The following NAALADL2 variants were observed in gnomAD, a reference collection of about 807,000 sequenced individuals.
NAALADL2 encodes inactive N-acetylated-alpha-linked acidic dipeptidase-like protein 2.
NAALADL2 carries 76 observed loss-of-function variants against 87.2 expected under a neutral mutation model. The ratio of observed to expected loss-of-function variants is 0.87; its 90% CI spans 0.72 to 1.05. The LOEUF is 1.05. Among genes scored for constraint, NAALADL2 ranks in the 50% least tolerant of loss-of-function variants. The probability of loss-of-function intolerance (pLI) is 0.00; values close to 1 mark genes in which losing one functional copy is unlikely to be tolerated. For missense variants in NAALADL2, 1,089 were observed against 945.8 expected (o/e 1.15, Z -1.99); for synonymous variants, 354 against 331.0 (o/e 1.07, Z -0.75).
intron 2 of NAALADL2, among the ~76,000 whole-genome samples, chr3:175,132,602 G>A (rs1261756239): frequency 3.8e-5 from 4 of 105,434 alleles, no homozygotes; most frequent in Admixed American, 2.8e-4. Context: ...GGCTGGCCGG[G>A]CAGGGGGCTG....
chr3:175,789,344 C>G (rs926012216), intron 13 of NAALADL2, among the ~76,000 whole-genome samples: 6 of 152,142 alleles, frequency 3.9e-5, no homozygotes, highest in African/African-American at 1.4e-4. Context: ...AATGTAGACT[C>G]TTTTGTATAT....
intron 2 of NAALADL2, among the ~76,000 whole-genome samples, chr3:175,153,833 A>T (rs1038874206): frequency 1.3e-5 from 2 of 152,188 alleles, no homozygotes; most frequent in Non-Finnish European, 2.9e-5. Flanking sequence ...TAGAGTGAGT[A>T]TACTGCTGAT....
intron 3 of NAALADL2, among the ~76,000 whole-genome samples, chr3:174,851,968 G>C (rs1052744443): frequency 6.6e-6 from 1 of 152,072 alleles, no homozygotes; most frequent in Non-Finnish European, 1.5e-5. Context: ...CAGAATGAAG[G>C]AGAAAATCTA....
intron 1 of NAALADL2, among the ~76,000 whole-genome samples, chr3:175,087,125 A>G (rs757080128): frequency 1.3e-5 from 2 of 152,250 alleles, no homozygotes; most frequent in Admixed American, 1.3e-4. Flanking sequence ...GTGACTTGTT[A>G]GAAATAAGAA....
intron 5 of NAALADL2, among the ~76,000 whole-genome samples, chr3:175,423,853 A>C (rs933923446): frequency 2.0e-5 from 3 of 152,226 alleles, no homozygotes; most frequent in African/African-American, 7.2e-5. Flanking sequence ...TGACTTCCAC[A>C]ATGGTTGAAC....
At chr3:174,896,267 T>C (rs1030281064) in intron 1 of NAALADL2, among the ~76,000 whole-genome samples, 2 of 152,148 alleles carry the variant, frequency 1.3e-5, no homozygotes, top group Admixed American at 1.3e-4. Context: ...GCTATGATCT[T>C]ATATTTGAAA....
intron 13 of NAALADL2, among the ~76,000 whole-genome samples, chr3:175,795,518 C>CAAA (rs35800749): frequency 1.1e-4 from 15 of 132,330 alleles, no homozygotes; most frequent in African/African-American, 3.2e-4. Flanking sequence ...CTAAAAAATA[C>CAAA]AAAAAAAAAA....
At chr3:174,724,332 T>A (rs889340893) in intron 2 of NAALADL2, among the ~76,000 whole-genome samples, 1 of 152,188 alleles carries the variant, frequency 6.6e-6, no homozygotes, top group Non-Finnish European at 1.5e-5. Flanking sequence ...GGTAAACTTA[T>A]GTGCTTTTAT....
chr3:175,622,918 C>T (rs143412864), intron 10 of NAALADL2, among the ~76,000 whole-genome samples: 94 of 152,074 alleles, frequency 6.2e-4, no homozygotes, highest in African/African-American at 2.0e-3. Context: ...AAAAATTACC[C>T]ATACCTGCAA....
At chr3:174,985,277 C>T (rs147792706) in intron 1 of NAALADL2, among the ~76,000 whole-genome samples, 8 of 152,084 alleles carry the variant, frequency 5.3e-5, no homozygotes, top group East Asian at 3.9e-4. Context: ...AGATATTTGG[C>T]GGAAATGATG....
chr3:174,641,480 A>G (rs778421915), intron 2 of NAALADL2, among the ~76,000 whole-genome samples: 4 of 152,186 alleles, frequency 2.6e-5, no homozygotes, highest in Non-Finnish European at 5.9e-5. Context: ...ATGAAGTCCA[A>G]AGGAAACCAG....
At chr3:174,729,295 CATT>C (rs1338100144) in intron 2 of NAALADL2, among the ~76,000 whole-genome samples, 1 of 151,970 alleles carries the variant, frequency 6.6e-6, no homozygotes, top group Non-Finnish European at 1.5e-5. Flanking sequence ...AGTATTAACT[CATT>C]AATACTTATA....
intron 5 of NAALADL2, among the ~76,000 whole-genome samples, chr3:175,417,980 T>C (rs1714966925): frequency 6.6e-6 from 1 of 152,026 alleles, no homozygotes; most frequent in African/African-American, 2.4e-5. Flanking sequence ...GGTGTGGAGT[T>C]ATGGTGAAAG....
intron 1 of NAALADL2, among the ~76,000 whole-genome samples, chr3:174,483,999 A>G (rs1475341257): frequency 6.6e-6 from 1 of 152,106 alleles, no homozygotes; most frequent in African/African-American, 2.4e-5. Context: ...AACAGGCTAC[A>G]GATGTTTGGC....
intron 4 of NAALADL2, among the ~76,000 whole-genome samples, chr3:175,311,474 G>C (rs1426146681): frequency 2.0e-5 from 3 of 151,952 alleles, no homozygotes; most frequent in Non-Finnish European, 4.4e-5. Context: ...CTGACATCAT[G>C]GTTGCTTTAT....
chr3:174,942,350 A>C (rs1329737801), intron 1 of NAALADL2, among the ~76,000 whole-genome samples: 1 of 152,128 alleles, frequency 6.6e-6, no homozygotes, highest in Non-Finnish European at 1.5e-5. Context: ...AAGAATGCTG[A>C]ATATAGGCCC....
chr3:174,751,451 T>C (rs1360367880), intron 3 of NAALADL2, among the ~76,000 whole-genome samples: 1 of 152,026 alleles, frequency 6.6e-6, no homozygotes, highest in African/African-American at 2.4e-5. Context: ...TTACCTGAGG[T>C]CAGGAGTTCG....
chr3:174,994,183 T>G (rs542291434), intron 1 of NAALADL2, among the ~76,000 whole-genome samples: 1 of 152,286 alleles, frequency 6.6e-6, no homozygotes, highest in East Asian at 1.9e-4. Context: ...GTGACTAAAA[T>G]AGCAGGTCAG....
chr3:175,130,324 C>A (rs1180532588), intron 2 of NAALADL2, among the ~76,000 whole-genome samples: 1 of 151,982 alleles, frequency 6.6e-6, no homozygotes, highest in African/African-American at 2.4e-5. Context: ...TATTTCCTTG[C>A]TATGAAGAAA....
Sources: gnomAD v4.1 joint callset for allele counts (sites outside exome capture counted in the v4.1 genomes callset) on GRCh38, gnomAD v4.1.1 for gene constraint, MANE v1.5 for transcripts, NCBI Gene and HGNC (gene_info 2026-07-23, HGNC 2026-07-21) for gene names.